MID1: variants seen among roughly 807,000 people sequenced by gnomAD.
MID1 encodes the protein midline 1, also known as E3 ubiquitin-protein ligase Midline-1.
In MID1, 7 loss-of-function variants were observed where a neutral mutation model predicts 40.4. The ratio of observed to expected loss-of-function variants is 0.17; its 90% confidence interval spans 0.10 to 0.33. The LOEUF is 0.33. Ranked by LOEUF, MID1 falls within the 10% of genes least tolerant of loss-of-function variation. The pLI is 1.00. For missense variants in MID1, 367 were observed against 558.5 expected (o/e 0.66, Z 3.46); for synonymous variants, 229 against 221.2 (o/e 1.04, Z -0.31).
At chrX:10,534,507 T>C (rs956453737) in intron 2 of MID1, among the ~76,000 whole-genome samples, 7 of 112,443 alleles carry the variant, frequency 6.2e-5, no homozygotes, top group Non-Finnish European at 9.4e-5. Flanking sequence ...TAATTTTGAA[T>C]AGATAAGTAT....
intron 1 of MID1, among the ~76,000 whole-genome samples, chrX:10,667,041 T>G (rs973333549): frequency 2.7e-4 from 30 of 111,216 alleles, no homozygotes; most frequent in African/African-American, 9.8e-4. Flanking sequence ...CTACCTAGAG[T>G]TGGGGGTGGG....
intron 1 of MID1, among the ~76,000 whole-genome samples, chrX:10,799,248 GT>G (rs1408836886): frequency 5.4e-5 from 6 of 110,865 alleles, no homozygotes; most frequent in African/African-American, 9.8e-5. Context: ...TCCTTTTTCC[GT>G]TTTTTTCACC....
chrX:10,651,601 C>G (rs1226121375), intron 1 of MID1, among the ~76,000 whole-genome samples: 1 of 112,036 alleles, frequency 8.9e-6, no homozygotes, highest in Admixed American at 9.5e-5. Context: ...GTTCTCATAT[C>G]ATCAGTTTTC....
At chrX:10,687,722 A>AT (rs2043108815) in intron 1 of MID1, among the ~76,000 whole-genome samples, 1 of 111,726 alleles carries the variant, frequency 9.0e-6, no homozygotes, top group South Asian at 3.8e-4. Context: ...AACATTAAAC[A>AT]TTTTTTAAAA....
At chrX:10,685,874 T>TCA (rs1394966596) in intron 1 of MID1, among the ~76,000 whole-genome samples, 40 of 29,999 alleles carry the variant, frequency 1.3e-3, no homozygotes, top group African/African-American at 5.2e-3. Flanking sequence ...CCCCACATAC[T>TCA]CATACACACA....
chrX:10,504,036 GT>G (rs1931694541), intron 3 of MID1, among the ~76,000 whole-genome samples: 1 of 111,914 alleles, frequency 8.9e-6, no homozygotes, highest in African/African-American at 3.2e-5. Flanking sequence ...GTCGCTGTTA[GT>G]TTTTCAGTAA....
At chrX:10,603,412 G>A (rs1935568734) in intron 1 of MID1, among the ~76,000 whole-genome samples, 2 of 111,990 alleles carry the variant, frequency 1.8e-5, no homozygotes, top group African/African-American at 6.5e-5. Context: ...TACAATCCAG[G>A]CAGAGAGAGC....
chrX:10,580,751 C>T (rs1934991528), intron 1 of MID1, among the ~76,000 whole-genome samples: 1 of 109,456 alleles, frequency 9.1e-6, no homozygotes, highest in South Asian at 4.0e-4. Flanking sequence ...TTCCCCACTT[C>T]CTGATCAGTC....
intron 1 of MID1, among the ~76,000 whole-genome samples, chrX:10,716,018 G>C (rs1464536316): frequency 9.0e-6 from 1 of 111,630 alleles, no homozygotes; most frequent in Non-Finnish European, 1.9e-5. Flanking sequence ...CAAACAGAAA[G>C]GACATCCACA....
intron 9 of MID1, among the ~76,000 whole-genome samples, chrX:10,451,189 T>C (rs1469235510): frequency 1.8e-5 from 2 of 111,798 alleles, no homozygotes; most frequent in Non-Finnish European, 3.8e-5. Flanking sequence ...CTCCCGTCCA[T>C]CCTCTCCTGC....
rs1387568371 is a variant in MID1, at chrX:10,745,161, C to T, written c.-187+88393G>A. Among the ~76,000 whole-genome samples, 3 of 112,599 alleles carry T rather than the reference C, an allele frequency of 2.7e-5. No homozygotes were observed. The Admixed American group carries it at 2.8e-4, about 11-fold the overall frequency. ...TTCTCCAGGACCATCCTGGTTCTCA[C>T]CTCGCAAAGATCTAGAGGATGTTTA... On this transcript the variant is annotated intron_variant, in intron 1 of 10. Transcript: ENST00000380785.
At chrX:10,558,782 T>G (rs1934222218) in intron 2 of MID1, among the ~76,000 whole-genome samples, 1 of 112,792 alleles carries the variant, frequency 8.9e-6, no homozygotes, top group African/African-American at 3.2e-5. Flanking sequence ...TAGCCCTGTT[T>G]TATAGACGAG....
At chrX:10,744,402 T>C (rs1166729471) in intron 1 of MID1, among the ~76,000 whole-genome samples, 1 of 112,134 alleles carries the variant, frequency 8.9e-6, no homozygotes, top group Non-Finnish European at 1.9e-5. Flanking sequence ...AGCTCTTCTT[T>C]GAAAGACCTG....
At chrX:10,704,739 T>TATATATATAC (rs1233692170) in intron 1 of MID1, among the ~76,000 whole-genome samples, 31 of 82,179 alleles carry the variant, frequency 3.8e-4, no homozygotes, top group Middle Eastern at 5.6e-3. Context: ...TATATATATA[T>TATATATATAC]ACACACACAC....
intron 1 of MID1, among the ~76,000 whole-genome samples, chrX:10,717,600 G>A: frequency 9.1e-6 from 1 of 109,948 alleles, no homozygotes; most frequent in South Asian, 4.1e-4. Context: ...AATAATGGGA[G>A]ACTTTAACAC....
upstream of MID1, among the ~76,000 whole-genome samples, chrX:10,621,164 A>G (rs1935929565): frequency 8.9e-6 from 1 of 111,966 alleles, no homozygotes; most frequent in Non-Finnish European, 1.9e-5. Flanking sequence ...CCCGAGGCAT[A>G]ATTTCAAATA....
chrX:10,530,063 T>G (rs758915804), intron 2 of MID1, among the ~76,000 whole-genome samples: 3 of 112,095 alleles, frequency 2.7e-5, no homozygotes, highest in Non-Finnish European at 5.6e-5. Context: ...CTTGAGAGTT[T>G]AGAAGAATTT....
At chrX:10,815,243 A>G (rs1350558657) in intron 1 of MID1, among the ~76,000 whole-genome samples, 2 of 112,004 alleles carry the variant, frequency 1.8e-5, no homozygotes, top group Non-Finnish European at 3.8e-5. Flanking sequence ...TTTTATAGAC[A>G]TAGCAACTCT....
chrX:10,462,124 A>G (rs1427141968), intron 7 of MID1, among the ~76,000 whole-genome samples: 2 of 112,411 alleles, frequency 1.8e-5, no homozygotes, highest in Non-Finnish European at 3.8e-5. Flanking sequence ...CTTGAAAATT[A>G]AAAGAACAAA....
Sources: allele counts gnomAD v4.1 joint callset (sites outside exome capture counted in the v4.1 genomes callset), GRCh38; gene constraint gnomAD v4.1.1; transcripts MANE v1.5; gene names NCBI Gene and HGNC (gene_info 2026-07-23, HGNC 2026-07-21).